The following PLXNA4 variants were observed in gnomAD, a reference collection of about 807,000 sequenced individuals.
The protein encoded by PLXNA4 is plexin-A4.
In PLXNA4, 44 loss-of-function variants were observed where a neutral mutation model predicts 191.8. The observed-to-expected ratio is 0.23, with a 90% CI of 0.18 to 0.29. PLXNA4 has a LOEUF of 0.29. PLXNA4 is among the 10% of genes least tolerant of loss of function. The pLI is 1.00. For synonymous variants in PLXNA4, 1,082 were observed against 1,009.5 expected, an observed-to-expected ratio of 1.07 and a Z score of -1.36; for missense variants, 1,800 against 2,488.8, an observed-to-expected ratio of 0.72 and a Z score of 5.89.
At chr7:132,356,801 G>C (rs557523032) in intron 3 of PLXNA4, among the ~76,000 whole-genome samples, 5 of 152,232 alleles carry the variant, frequency 3.3e-5, no homozygotes, top group Non-Finnish European at 7.3e-5. Flanking sequence ...CAAAACAGAA[G>C]TTGGAGGCAG....
At chr7:132,436,290 T>C (rs1371763493) in intron 3 of PLXNA4, among the ~76,000 whole-genome samples, 1 of 152,212 alleles carries the variant, frequency 6.6e-6, no homozygotes, top group Non-Finnish European at 1.5e-5. Context: ...GGAGTCCGTC[T>C]ATGGGGACAA....
chr7:132,249,115 A>C (rs1392332181), intron 4 of PLXNA4, among the ~76,000 whole-genome samples: 1 of 152,222 alleles, frequency 6.6e-6, no homozygotes, highest in Non-Finnish European at 1.5e-5. Flanking sequence ...AGGCTTGGGG[A>C]GCTGAGGTTC....
chr7:132,421,525 T>C (rs1478016355), intron 3 of PLXNA4, among the ~76,000 whole-genome samples: 1 of 152,168 alleles, frequency 6.6e-6, no homozygotes, highest in Non-Finnish European at 1.5e-5. Context: ...GCTTTATTTA[T>C]GGCTGACATC....
chr7:132,422,725 C>T (rs75276587), intron 3 of PLXNA4, among the ~76,000 whole-genome samples: 2,171 of 152,352 alleles, frequency 0.014, 20 homozygotes, highest in Non-Finnish European at 0.023. Flanking sequence ...TTGCTGAGCA[C>T]TTTCCAAGGC....
At chr7:132,170,413 A>AAGGAG (rs1294641860) in intron 21 of PLXNA4, among the ~76,000 whole-genome samples, 1 of 152,102 alleles carries the variant, frequency 6.6e-6, no homozygotes, top group Admixed American at 6.5e-5. Context: ...TGTAAACTGA[A>AAGGAG]AGGAGAGGGG....
chr7:132,130,670 C>G, intron 31 of PLXNA4, 96 bp from the exon 32 acceptor site: 1 of 1,568,398 alleles, frequency 6.4e-7, no homozygotes, highest in Non-Finnish European at 8.7e-7. Context: ...GTCAGAAGCC[C>G]GGGAAGCCAC....
chr7:132,508,557 T>C lies in PLXNA4; in HGVS notation c.137A>G (p.Glu46Gly). Residue 46 changes from glutamate (E) to glycine (G), a missense_variant, in exon 2 of 32, where the codon GAG (glutamate) becomes GGG (glycine). Transcript: ENST00000321063. The surrounding 1 kb of genome is among the most constrained non-coding windows in gnomAD (Gnocchi z 4.4). ...KQRSFVTFRG[E>G]PAEGFNHLVV... ...CAGGTGATTGAAACCCTCGGCGGGCTCTCCTCGGAATGTGACAAATGACCG... is the reference window on the plus strand; with the variant it reads ...CAGGTGATTGAAACCCTCGGCGGGCCCTCCTCGGAATGTGACAAATGACCG... The C allele has an allele frequency of 3.1e-6, 5 of 1,614,034 alleles. No individual in the cohort carries two copies. The highest frequency in any genetic ancestry group is 1.1e-5 in the South Asian group (1 of 91,072).
chr7:132,585,023 G>T (rs896363279), intron 2 of PLXNA4, among the ~76,000 whole-genome samples: 2 of 151,974 alleles, frequency 1.3e-5, no homozygotes, highest in African/African-American at 4.8e-5. Context: ...TGAAGGTCAC[G>T]CAGCAGCCTG....
chr7:132,359,790 A>G (rs1803862520), intron 3 of PLXNA4, among the ~76,000 whole-genome samples: 1 of 152,142 alleles, frequency 6.6e-6, no homozygotes, highest in African/African-American at 2.4e-5. Flanking sequence ...TTCATTATCT[A>G]TATCTAGAGA....
intron 5 of PLXNA4, among the ~76,000 whole-genome samples, chr7:132,237,488 G>C (rs1167110161): frequency 6.6e-6 from 1 of 152,198 alleles, no homozygotes; most frequent in Non-Finnish European, 1.5e-5. Context: ...CTCTGAGAGG[G>C]AGGGAGGATG....
At chr7:132,260,659 A>C (rs1799606600) in intron 4 of PLXNA4, among the ~76,000 whole-genome samples, 1 of 151,592 alleles carries the variant, frequency 6.6e-6, no homozygotes, top group Admixed American at 6.6e-5. Flanking sequence ...ACATGTGTTG[A>C]ACCTAAAATA....
At chr7:132,149,190 G>A (rs1795522803) in intron 25 of PLXNA4, among the ~76,000 whole-genome samples, 1 of 151,992 alleles carries the variant, frequency 6.6e-6, no homozygotes, top group African/African-American at 2.4e-5. Context: ...GAAAAAATCA[G>A]CAAAACCCAT....
At chr7:132,551,529 G>C (rs909597938) in intron 1 of PLXNA4, among the ~76,000 whole-genome samples, 3 of 152,268 alleles carry the variant, frequency 2.0e-5, no homozygotes, top group African/African-American at 4.8e-5. Context: ...CCAGAGTAGT[G>C]AGTATACCTC....
At chr7:132,205,886 C>T (rs1321799145) in intron 10 of PLXNA4, among the ~76,000 whole-genome samples, 3 of 152,168 alleles carry the variant, frequency 2.0e-5, no homozygotes, top group Non-Finnish European at 4.4e-5. Flanking sequence ...ATCCTCATGC[C>T]CCCTCTCAGG....
chr7:132,398,426 A>G (rs1345392246), intron 3 of PLXNA4, among the ~76,000 whole-genome samples: 3 of 152,172 alleles, frequency 2.0e-5, no homozygotes, highest in Non-Finnish European at 4.4e-5. Flanking sequence ...GGAACCACAC[A>G]TCCAAGGCAG....
chr7:132,434,481 T>C (rs1256335429), intron 3 of PLXNA4, among the ~76,000 whole-genome samples: 1 of 152,212 alleles, frequency 6.6e-6, no homozygotes, highest in Non-Finnish European at 1.5e-5. Flanking sequence ...AAGTTCAGAT[T>C]CCCTCAAGAC....
intron 1 of PLXNA4, among the ~76,000 whole-genome samples, chr7:132,544,635 G>A (rs1563162824): frequency 6.6e-6 from 1 of 152,150 alleles, no homozygotes; most frequent in Non-Finnish European, 1.5e-5. Flanking sequence ...GTGATGAAAA[G>A]GTGCCCATTA....
At chr7:132,563,700 C>CTTCCTCTTT (rs1801511366) in intron 1 of PLXNA4, among the ~76,000 whole-genome samples, 1 of 118,522 alleles carries the variant, frequency 8.4e-6, no homozygotes, top group African/African-American at 3.5e-5. Flanking sequence ...TCCTCCTTCT[C>CTTCCTCTTT]CTCCTCCTCC....
intron 3 of PLXNA4, among the ~76,000 whole-genome samples, chr7:132,430,237 G>A (rs927936519): frequency 2.1e-4 from 32 of 152,118 alleles, no homozygotes; most frequent in African/African-American, 7.2e-4. Flanking sequence ...ATCAGGCACA[G>A]GATATCAGAC....
Sources: gnomAD v4.1 joint callset for allele counts (sites outside exome capture counted in the v4.1 genomes callset) on GRCh38, gnomAD v4.1.1 for gene constraint, Gnocchi (gnomAD v3.1) non-coding constraint, MANE v1.5 for transcripts, NCBI Gene and HGNC (gene_info 2026-07-23, HGNC 2026-07-21) for gene names.